Variants in NDUFS8 observed in about 807,000 individuals in gnomAD.
NDUFS8 encodes the protein NADH:ubiquinone oxidoreductase core subunit S8.
Under a neutral mutation model 25.6 loss-of-function variants are expected in NDUFS8, and 13 were observed. That is an observed-to-expected ratio of 0.51 (90% CI 0.33 to 0.81). NDUFS8 has a LOEUF of 0.81. Ranked by LOEUF, NDUFS8 falls within the 30% of genes least tolerant of loss-of-function variation. The pLI is 0.02. For missense variants in NDUFS8, 257 were observed against 300.9 expected, an observed-to-expected ratio of 0.85 and a Z score of 1.08; for synonymous variants, 119 against 119.4, an observed-to-expected ratio of 1.00 and a Z score of 0.02.
At chr11:68,032,615 T>C in intron 3 of NDUFS8, 1 of 1,172,636 alleles carries the variant, frequency 8.5e-7, no homozygotes, top group East Asian at 2.6e-5. Flanking sequence ...TGCCAGTCCC[T>C]GGTGAAGGCA....
At chr11:68,034,330 GT>G (rs1486620507) in intron 5 of NDUFS8, 2 of 152,244 alleles carry the variant, frequency 1.3e-5, no homozygotes, top group Non-Finnish European at 2.9e-5. Context: ...CCCACTTGCT[GT>G]GTAGCTTTGG....
intron 5 of NDUFS8, chr11:68,034,292 G>GGACGT: frequency 6.6e-6 from 1 of 152,244 alleles, no homozygotes; most frequent in Non-Finnish European, 1.5e-5. Context: ...CTGAGAGTTA[G>GGACGT]GACGTGCCCT....
chr11:68,033,900 G>T, intron 5 of NDUFS8: 1 of 164,970 alleles, frequency 6.1e-6, no homozygotes, highest in South Asian at 1.5e-4. Context: ...GTCCTCTGGA[G>T]CACTCCCAGG....
intron 6 of NDUFS8, 28 bp downstream of exon 6, chr11:68,036,409 G>A: frequency 6.2e-7 from 1 of 1,613,768 alleles, no homozygotes; most frequent in South Asian, 1.1e-5. Flanking sequence ...GTGGGAGGGG[G>A]CCTGAGGCTC....
At chr11:68,032,660 C>T in intron 3 of NDUFS8, 1 of 895,472 alleles carries the variant, frequency 1.1e-6, no homozygotes, top group Admixed American at 2.7e-5. Context: ...CCCTTGATTC[C>T]TCTTTCAAGC....
intron 1 of NDUFS8, 118 bp downstream of exon 1, chr11:68,030,851 A>G (rs1263168628): frequency 1.4e-5 from 6 of 438,446 alleles, no homozygotes; most frequent in Non-Finnish European, 2.7e-5. Context: ...CGGCTCACTC[A>G]GGATCCGCGG....
At position 68,036,240 on chromosome 11, in the gene NDUFS8, G is replaced by A; in HGVS notation, c.373-13G>A. ...CAGGGCAGCGTGGCAGTGTCTGGTG[G>A]CCCCTCCCGCAGGCCATCACCATCG... On this transcript the variant is annotated splice_polypyrimidine_tract_variant and intron_variant, in intron 5 of 6. Transcript: ENST00000313468. The A allele has an allele frequency of 6.2e-7, 1 of 1,612,202 alleles. No individual in the cohort carries two copies. The highest frequency in any genetic ancestry group is 8.5e-7 in the Non-Finnish European group (1 of 1,179,532).
chr11:68,035,880 G>A (rs1356864514), intron 5 of NDUFS8: 10 of 370,212 alleles, frequency 2.7e-5, no homozygotes, highest in South Asian at 8.0e-5. Context: ...TTAGCTGGGC[G>A]TGGTGATGCA....
In NDUFS8 at chr11:68,032,996, G is replaced by A. The variant is rs779081856; in HGVS notation, c.183G>A (p.Trp61Ter). 3 of 1,613,848 alleles carry A rather than the reference G, an allele frequency of 1.9e-6. No homozygotes were observed. Among genetic ancestry groups the A allele is most frequent in the Non-Finnish European group, 2.5e-6 (3 of 1,180,008 alleles). Reference sequence around the variant, plus strand: ...ACCGGGCAGCCCGCACCCTGCTGTGGACTGAGCTCTTCCGAGGTGCGTCCT... The same window carrying A: ...ACCGGGCAGCCCGCACCCTGCTGTGAACTGAGCTCTTCCGAGGTGCGTCCT... ...VTDRAARTLL[W>*]TELFRGLGMT... Residue 61 changes from tryptophan to a stop codon, truncating the protein, a stop_gained, in exon 4 of 7, where the codon TGG (tryptophan) becomes TGA (stop). Transcript: ENST00000313468. LOFTEE classifies it high-confidence loss of function.
intron 3 of NDUFS8, 28 bp downstream of exon 3, chr11:68,032,364 A>G: frequency 6.2e-7 from 1 of 1,612,956 alleles, no homozygotes; most frequent in Non-Finnish European, 8.5e-7. Flanking sequence ...CTCTAGCCTC[A>G]GGTGTTCCTG....
intron 3 of NDUFS8, 117 bp from the exon 4 acceptor site, chr11:68,032,806 C>A: frequency 9.6e-7 from 1 of 1,042,758 alleles, no homozygotes; most frequent in Non-Finnish European, 1.5e-6. Flanking sequence ...GAGTGTACAG[C>A]CCCTTTGTAG....
intron 3 of NDUFS8, 57 bp downstream of exon 3, chr11:68,032,393 G>C (rs1438510233): frequency 2.5e-6 from 4 of 1,611,966 alleles, no homozygotes; most frequent in East Asian, 4.5e-5. Flanking sequence ...TGCTGGAGTA[G>C]GGGAAGAGAC....
At chr11:68,031,586 G>A (rs1166960130) in intron 1 of NDUFS8, 1 of 190,626 alleles carries the variant, frequency 5.2e-6, no homozygotes, top group African/African-American at 2.4e-5. Context: ...GACCTCAGGT[G>A]ATCCACCTGC....
chr11:68,032,141 T>TAA lies in NDUFS8; in HGVS notation c.1-10_1-9insAA. The TAA allele has an allele frequency of 6.2e-7, 1 of 1,612,074 alleles. No homozygotes were observed. Among genetic ancestry groups the TAA allele is most frequent in the Non-Finnish European group, 8.5e-7 (1 of 1,179,888 alleles). Reference sequence around the variant, plus strand: ...GCACACCCCACCCTCCATCCCTTTTTATGCCACCAGATGCGCTGCCTGACC... The same window carrying TAA: ...GCACACCCCACCCTCCATCCCTTTTTAAATGCCACCAGATGCGCTGCCTGACC... On this transcript the variant is annotated splice_polypyrimidine_tract_variant and intron_variant, in intron 1 of 6. Transcript: ENST00000313468.
chr11:68,036,420 C>T (rs765900347), intron 6 of NDUFS8, 39 bp downstream of exon 6: 6 of 1,613,820 alleles, frequency 3.7e-6, no homozygotes, highest in Non-Finnish European at 5.1e-6. Context: ...CCTGAGGCTC[C>T]TCAGCAGGGC....
intron 1 of NDUFS8, chr11:68,031,003 T>A: frequency 2.6e-6 from 1 of 392,026 alleles, no homozygotes; most frequent in Non-Finnish European, 5.2e-6. Flanking sequence ...CTGCAGTCAG[T>A]GATCCAAAGG....
chr11:68,035,721 GACAA>G (rs765371204), intron 5 of NDUFS8: 4 of 454,004 alleles, frequency 8.8e-6, no homozygotes, highest in African/African-American at 4.0e-5. Context: ...GCCAGCAGCT[GACAA>G]ACAGGCAAGG....
intron 3 of NDUFS8, 94 bp downstream of exon 3, chr11:68,032,430 G>A (rs1854789039): frequency 1.9e-6 from 3 of 1,603,942 alleles, no homozygotes; most frequent in African/African-American, 2.7e-5. Context: ...GCTTTGTCAG[G>A]GGCGTTCTTC....
chr11:68,034,277 A>G lies in NDUFS8; in HGVS notation c.372+994A>G, dbSNP rs1351921289. ...CAGCCCCTCCCCCAGCGGGCTACCC[A>G]GGAACTGAGAGTTAGGACGTGCCCT... On this transcript the variant is annotated intron_variant, in intron 5 of 6. Coordinates refer to ENST00000313468, the MANE Select transcript of NDUFS8 (RefSeq NM_002496.4). 4 of 152,228 alleles carry G rather than the reference A, an allele frequency of 2.6e-5. 1 individual carries two copies. The highest frequency in any genetic ancestry group is 2.6e-4 in the Admixed American group (4 of 15,278). The allele number at this position is 152,228 out of a possible 1,614,324, so 9.4% of individuals were successfully genotyped here.
Sources: allele counts gnomAD v4.1 joint callset, GRCh38; gene constraint gnomAD v4.1.1; transcripts MANE v1.5; gene names NCBI Gene and HGNC (gene_info 2026-07-23, HGNC 2026-07-21).